ANTXR1: variants seen among roughly 807,000 people sequenced by gnomAD.
The protein encoded by ANTXR1 is anthrax toxin receptor 1.
In ANTXR1, 19 loss-of-function variants were observed where a neutral mutation model predicts 78.1. The observed-to-expected ratio is 0.24, with a 90% CI of 0.17 to 0.36. The LOEUF (loss-of-function observed/expected upper bound fraction) is 0.36, where lower values mean the gene tolerates loss of function less well. Among genes scored for constraint, ANTXR1 ranks in the 10% least tolerant of loss-of-function variants. The pLI is 1.00. For synonymous variants in ANTXR1, 273 were observed against 260.5 expected (o/e 1.05, Z -0.46); for missense variants, 518 against 718.6 (o/e 0.72, Z 3.19).
intron 9 of ANTXR1, among the ~76,000 whole-genome samples, chr2:69,091,862 G>A (rs79891117): frequency 0.011 from 1,740 of 152,278 alleles, 34 homozygotes; most frequent in African/African-American, 0.04. Flanking sequence ...ATCAAAATCA[G>A]GGTCATGCTC....
At chr2:69,203,738 C>T (rs1428892812) in intron 17 of ANTXR1, among the ~76,000 whole-genome samples, 1 of 151,256 alleles carries the variant, frequency 6.6e-6, no homozygotes, top group African/African-American at 2.5e-5. Flanking sequence ...CACATTCCTC[C>T]TCCTCCTTAT....
intron 1 of ANTXR1, among the ~76,000 whole-genome samples, chr2:69,019,948 T>C (rs1212737914): frequency 2.0e-5 from 3 of 152,252 alleles, no homozygotes; most frequent in Non-Finnish European, 4.4e-5. Context: ...CCATGGTGTA[T>C]ATATACCACA....
Position 69,245,217 on chromosome 2 carries a change from T to C in ANTXR1, c.1435-8T>C, listed in dbSNP as rs1675988755. 2 of 1,613,814 alleles carry C rather than the reference T, an allele frequency of 1.2e-6. No homozygotes were observed. The highest frequency in any genetic ancestry group is 1.3e-5 in the African/African-American group (1 of 74,808). ...GCTCACGTTTCCTTCTCTCCAATTCTTTTCTAGGGGCGCTGCATCAACTTC... is the reference window on the plus strand; with the variant it reads ...GCTCACGTTTCCTTCTCTCCAATTCCTTTCTAGGGGCGCTGCATCAACTTC... On this transcript the variant is annotated splice_polypyrimidine_tract_variant and splice_region_variant and intron_variant, in intron 17 of 17. Coordinates refer to ENST00000303714, the MANE Select transcript of ANTXR1 (RefSeq NM_032208.3).
chr2:69,203,054 A>G (rs911715997), intron 17 of ANTXR1, among the ~76,000 whole-genome samples: 2 of 145,490 alleles, frequency 1.4e-5, no homozygotes, highest in African/African-American at 4.8e-5. Flanking sequence ...GTCTTACATG[A>G]AAGTCGTTTT....
chr2:69,113,357 A>G (rs1471100894), intron 10 of ANTXR1, among the ~76,000 whole-genome samples: 2 of 152,194 alleles, frequency 1.3e-5, no homozygotes, highest in Non-Finnish European at 2.9e-5. Flanking sequence ...ATTAACTCAG[A>G]GACAGGCCAT....
chr2:69,047,280 A>G (rs1669797356), intron 3 of ANTXR1, among the ~76,000 whole-genome samples: 2 of 152,242 alleles, frequency 1.3e-5, no homozygotes, highest in Non-Finnish European at 2.9e-5. Flanking sequence ...ATGAAAAAAT[A>G]GAATGGAAAA....
intron 12 of ANTXR1, among the ~76,000 whole-genome samples, chr2:69,128,663 G>A (rs1330521750): frequency 6.6e-6 from 1 of 152,186 alleles, no homozygotes; most frequent in East Asian, 1.9e-4. Context: ...ATTAAAGGCT[G>A]AAACTATCAT....
intron 3 of ANTXR1, among the ~76,000 whole-genome samples, chr2:69,067,808 A>T (rs1670445846): frequency 6.6e-6 from 1 of 152,178 alleles, no homozygotes; most frequent in African/African-American, 2.4e-5. Context: ...TGCTGGTGCC[A>T]TGCACTGCCC....
intron 8 of ANTXR1, among the ~76,000 whole-genome samples, chr2:69,089,475 C>T (rs1301889854): frequency 1.3e-5 from 2 of 152,206 alleles, no homozygotes; most frequent in Admixed American, 1.3e-4. Context: ...TACTAGAAAG[C>T]TTGGAACTAA....
At position 69,193,459 on chromosome 2, in the gene ANTXR1, T is replaced by TCACACACACACA. The variant is rs747343458; in HGVS notation, c.1434+48_1434+49insCACACACACACA. The TCACACACACACA allele has an allele frequency of 2.9e-5, 30 of 1,045,006 alleles. No homozygotes were observed. In the African/African-American group the frequency reaches 4.8e-4, roughly 17 times the overall value. 64.7% of individuals were successfully genotyped at this position (1,045,006 alleles called of 1,614,324 possible). A position where few individuals can be genotyped will look rare whatever the true frequency, so the allele number is the denominator to read the frequency against. On this transcript the variant is annotated intron_variant, in intron 17 of 17. Transcript: ENST00000303714. ...TTAATGGTGTCTCTCTCTCTCTCTCTCACATACACACACACACACACACAC... is the reference window on the plus strand; with the variant it reads ...TTAATGGTGTCTCTCTCTCTCTCTCTCACACACACACACACATACACACACACACACACACAC...
intron 14 of ANTXR1, among the ~76,000 whole-genome samples, chr2:69,176,594 A>G (rs1674124626): frequency 6.6e-6 from 1 of 152,176 alleles, no homozygotes; most frequent in South Asian, 2.1e-4. Flanking sequence ...AATGTAAACA[A>G]TATTGTCGAC....
intron 13 of ANTXR1, among the ~76,000 whole-genome samples, chr2:69,167,859 T>C (rs577603841): frequency 2.1e-4 from 32 of 152,344 alleles, no homozygotes; most frequent in African/African-American, 7.5e-4. Context: ...ATTTAATAAA[T>C]CATGGATTTT....
intron 3 of ANTXR1, among the ~76,000 whole-genome samples, chr2:69,056,184 T>C (rs939337646): frequency 3.9e-5 from 6 of 152,148 alleles, no homozygotes; most frequent in African/African-American, 1.4e-4. Flanking sequence ...CAAAGAACAG[T>C]AGCATTCTCA....
chr2:69,203,682 A>T (rs916444679), intron 17 of ANTXR1, among the ~76,000 whole-genome samples: 1 of 151,496 alleles, frequency 6.6e-6, no homozygotes, highest in African/African-American at 2.4e-5. Flanking sequence ...CAATCCTCAC[A>T]ATCTGATCCC....
At chr2:69,138,547 C>T (rs1458111176) in intron 12 of ANTXR1, among the ~76,000 whole-genome samples, 1 of 152,208 alleles carries the variant, frequency 6.6e-6, no homozygotes, top group African/African-American at 2.4e-5. Context: ...TAAACACCTT[C>T]CCTTTTGCAA....
At chr2:69,078,843 T>C (rs1472590477) in intron 8 of ANTXR1, among the ~76,000 whole-genome samples, 4 of 152,206 alleles carry the variant, frequency 2.6e-5, no homozygotes, top group Non-Finnish European at 5.9e-5. Flanking sequence ...CCCTAAACAT[T>C]CTTGAATATG....
intron 3 of ANTXR1, among the ~76,000 whole-genome samples, chr2:69,050,436 A>G (rs1381964717): frequency 6.9e-6 from 1 of 144,808 alleles, no homozygotes; most frequent in African/African-American, 2.9e-5. Context: ...TTACTTATCA[A>G]TATTTAATAT....
intron 16 of ANTXR1, among the ~76,000 whole-genome samples, chr2:69,189,148 A>G (rs1041955397): frequency 1.3e-5 from 2 of 152,226 alleles, no homozygotes; most frequent in African/African-American, 2.4e-5. Flanking sequence ...ATTGTTTTCT[A>G]TGCCACAGAC....
intron 3 of ANTXR1, among the ~76,000 whole-genome samples, chr2:69,057,829 C>G (rs974135615): frequency 3.3e-5 from 5 of 152,164 alleles, no homozygotes; most frequent in Non-Finnish European, 7.3e-5. Flanking sequence ...CGTCTTGTGC[C>G]TGTTAGCTAA....
Sources: allele counts gnomAD v4.1 joint callset (sites outside exome capture counted in the v4.1 genomes callset), GRCh38; gene constraint gnomAD v4.1.1; transcripts MANE v1.5; gene names NCBI Gene and HGNC (gene_info 2026-07-23, HGNC 2026-07-21).